The following DLGAP4 variants were observed in gnomAD, a reference collection of about 807,000 sequenced individuals.
The protein encoded by DLGAP4 is disks large-associated protein 4.
DLGAP4 carries 18 observed loss-of-function variants against 86.9 expected under a neutral mutation model. The observed-to-expected ratio is 0.21, with a 90% CI of 0.14 to 0.31. The LOEUF (loss-of-function observed/expected upper bound fraction) is 0.31, where lower values mean the gene tolerates loss of function less well. Among genes scored for constraint, DLGAP4 ranks in the 10% least tolerant of loss-of-function variants. DLGAP4 has a pLI of 1.00. For missense variants in DLGAP4, 1,085 were observed against 1,362.6 expected, an observed-to-expected ratio of 0.80 and a Z score of 3.21; for synonymous variants, 548 against 574.3, an observed-to-expected ratio of 0.95 and a Z score of 0.65.
At chr20:36,455,787 C>T (rs1306790932) in intron 7 of DLGAP4, among the ~76,000 whole-genome samples, 1 of 152,092 alleles carries the variant, frequency 6.6e-6, no homozygotes, top group Non-Finnish European at 1.5e-5. Context: ...CCCCCCGGCA[C>T]CACACACTCT....
At chr20:36,442,474 A>G (rs1032428296) in intron 5 of DLGAP4, among the ~76,000 whole-genome samples, 1 of 152,220 alleles carries the variant, frequency 6.6e-6, no homozygotes, top group Non-Finnish European at 1.5e-5. Flanking sequence ...GATTATAGGC[A>G]TGAGCCACTG....
rs556365694 is a variant in DLGAP4 at position 36,411,283 on chromosome 20, C to A, written c.-72-20363C>A. Among the ~76,000 whole-genome samples, 72 of 152,346 alleles carry A rather than the reference C, an allele frequency of 4.7e-4. No homozygotes were observed. In the South Asian group the frequency reaches 0.011, roughly 22 times the overall value. On this transcript the variant is annotated intron_variant, in intron 2 of 12. Coordinates refer to ENST00000339266, the MANE Select transcript of DLGAP4 (RefSeq NM_001365621.2). ...GGATTATAGACGTGGGCCACCGCGC[C>A]TGGCCTTCAATTCAAATTCTTGTCT...
intron 10 of DLGAP4, among the ~76,000 whole-genome samples, chr20:36,513,505 G>A (rs1054717636): frequency 3.6e-5 from 5 of 137,154 alleles, no homozygotes; most frequent in Non-Finnish European, 6.0e-5. Flanking sequence ...CCGAGATTGC[G>A]CCACTGCAGT....
intron 2 of DLGAP4, among the ~76,000 whole-genome samples, chr20:36,430,318 A>G (rs1335649103): frequency 6.6e-6 from 1 of 152,176 alleles, no homozygotes; most frequent in Non-Finnish European, 1.5e-5. Flanking sequence ...ATTGGAAATG[A>G]TGGGCCTATG....
chr20:36,416,806 T>G (rs1199698992), intron 2 of DLGAP4, among the ~76,000 whole-genome samples: 1 of 152,088 alleles, frequency 6.6e-6, no homozygotes, highest in Non-Finnish European at 1.5e-5. Context: ...GATTCAGACA[T>G]GGAGAAGAAG....
In DLGAP4 at chr20:36,526,869, A is replaced by G; in HGVS notation, c.2817A>G (p.Ala939=). Residue 939 remains alanine (A), a synonymous_variant, in exon 13 of 13, where the codon GCA becomes GCG. Transcript: ENST00000339266. ...VPKKPAKSKP[A]VSRDKASDAS... is the part of the protein sequence containing the mutation. ...AGAAGCCAGCCAAATCCAAGCCGGCAGTGAGCCGCGACAAGGCCTCAGACG... is the reference window on the plus strand; with the variant it reads ...AGAAGCCAGCCAAATCCAAGCCGGCGGTGAGCCGCGACAAGGCCTCAGACG... The G allele has an allele frequency of 6.2e-7, 1 of 1,612,820 alleles. No homozygotes were observed. Among genetic ancestry groups the G allele is most frequent in the Non-Finnish European group, 8.5e-7 (1 of 1,179,694 alleles).
intron 2 of DLGAP4, among the ~76,000 whole-genome samples, chr20:36,421,735 T>C (rs2032834395): frequency 6.6e-6 from 1 of 151,976 alleles, no homozygotes; most frequent in East Asian, 1.9e-4. Flanking sequence ...ATGAGTAGAA[T>C]CGGGGCAGAC....
chr20:36,517,057 C>T (rs985746992), intron 10 of DLGAP4, among the ~76,000 whole-genome samples: 2 of 150,586 alleles, frequency 1.3e-5, no homozygotes, highest in African/African-American at 2.4e-5. Flanking sequence ...TGAGCCACTG[C>T]GCCTGGCCGA....
chr20:36,522,878 G>A (rs1283608262), intron 10 of DLGAP4, among the ~76,000 whole-genome samples: 5 of 152,066 alleles, frequency 3.3e-5, no homozygotes, highest in Non-Finnish European at 4.4e-5. Flanking sequence ...GGGGGTGGGG[G>A]CAAGGTCTCA....
intron 7 of DLGAP4, among the ~76,000 whole-genome samples, chr20:36,494,547 C>T (rs1160151215): frequency 6.6e-6 from 1 of 152,206 alleles, no homozygotes; most frequent in Admixed American, 6.5e-5. Context: ...TACATTCTCA[C>T]ATCCAGAATA....
rs2147541625 is a variant in DLGAP4, at chr20:36,432,341, T to C, written c.624T>C (p.Asp208=). 6.2e-7 allele frequency: 1 copy of C among 1,613,712 alleles called. No individual in the cohort carries two copies. The highest frequency in any genetic ancestry group is 1.1e-5 in the South Asian group (1 of 91,084). ...ACATCTCAGGCTGGTGGAGCTCCGA[T>C]GACAACTTGGACGGCGAGGCCGGCG... ...RSNISGWWSS[D]DNLDGEAGAF... is the part of the protein sequence containing the mutation. Residue 208 remains aspartate (D), a synonymous_variant, in exon 3 of 13, where the codon GAT becomes GAC. Transcript: ENST00000339266. The surrounding 1 kb of genome is among the most constrained non-coding windows in gnomAD (Gnocchi z 6.5).
chr20:36,326,277 CCTAT>C (rs1404468023), intron 1 of DLGAP4, among the ~76,000 whole-genome samples: 1 of 152,064 alleles, frequency 6.6e-6, no homozygotes, highest in African/African-American at 2.4e-5. Flanking sequence ...TTCTATTTGC[CCTAT>C]CTATTCTTTG....
rs748449629 is a variant in DLGAP4, at chr20:36,393,397, A to G, written c.-73+26122A>G. Among the ~76,000 whole-genome samples, 5 of 152,092 alleles carry G rather than the reference A, an allele frequency of 3.3e-5. No individual in the cohort carries two copies. The highest frequency in any genetic ancestry group is 4.8e-5 in the African/African-American group (2 of 41,400). On this transcript the variant is annotated intron_variant, in intron 2 of 12. Coordinates refer to ENST00000339266, the MANE Select transcript of DLGAP4 (RefSeq NM_001365621.2). The surrounding 1 kb of genome is among the most constrained non-coding windows in gnomAD (Gnocchi z 4.4). ...CTGGGCCTCAGCTTCCTCATCTGGT[A>G]AACAATAAAATTAATCCCTGTCCCC...
In DLGAP4 at chr20:36,446,819, C is replaced by T. The variant is rs1312617562; in HGVS notation, c.1530C>T (p.Ser510=). The change falls in exon 7 of 13, where the codon AGC becomes AGT. Residue 510 remains serine (S), a synonymous_variant. Transcript: ENST00000339266. Reference sequence around the variant, plus strand: ...TGCCCAGCTACTTCCGCTCCCGCAGCCACAGCTACCTGCGTGCCATCCAGG... The same window carrying T: ...TGCCCAGCTACTTCCGCTCCCGCAGTCACAGCTACCTGCGTGCCATCCAGG... The part of the protein sequence containing the change: ...LPLPSYFRSR[S]HSYLRAIQAG... 6.2e-7 allele frequency: 1 copy of T among 1,612,966 alleles called. No individual in the cohort carries two copies. Among genetic ancestry groups the T allele is most frequent in the Non-Finnish European group, 8.5e-7 (1 of 1,179,826 alleles).
intron 10 of DLGAP4, chr20:36,508,026 C>A (rs760372899): frequency 6.6e-6 from 1 of 152,256 alleles, no homozygotes; most frequent in African/African-American, 2.4e-5. Context: ...TGTGTTGAAC[C>A]CTGAGGCTGC....
At chr20:36,484,208 T>C (rs915068815) in intron 7 of DLGAP4, among the ~76,000 whole-genome samples, 2 of 150,354 alleles carry the variant, frequency 1.3e-5, no homozygotes, top group African/African-American at 5.0e-5. Flanking sequence ...GGTGAGCCGA[T>C]ATAGTTAAAG....
At chr20:36,384,983 G>A (rs952015541) in intron 2 of DLGAP4, among the ~76,000 whole-genome samples, 1 of 152,178 alleles carries the variant, frequency 6.6e-6, no homozygotes, top group Non-Finnish European at 1.5e-5. Flanking sequence ...AGGTGGTGTT[G>A]AGAAAGGCCT....
chr20:36,341,688 C>T (rs2065383940), intron 1 of DLGAP4, among the ~76,000 whole-genome samples: 1 of 152,248 alleles, frequency 6.6e-6, no homozygotes, highest in Non-Finnish European at 1.5e-5. Flanking sequence ...TGGGCTGCCA[C>T]CCCCTCAGTC....
chr20:36,441,091 G>A (rs1313009565), intron 5 of DLGAP4, among the ~76,000 whole-genome samples: 1 of 151,964 alleles, frequency 6.6e-6, no homozygotes, highest in Non-Finnish European at 1.5e-5. Context: ...CATACTCAGT[G>A]GCCAGAGGGA....
Sources: gnomAD v4.1 joint callset for allele counts (sites outside exome capture counted in the v4.1 genomes callset) on GRCh38, gnomAD v4.1.1 for gene constraint, Gnocchi (gnomAD v3.1) non-coding constraint, MANE v1.5 for transcripts, NCBI Gene and HGNC (gene_info 2026-07-23, HGNC 2026-07-21) for gene names.